FLACC1: variants seen among roughly 807,000 people sequenced by gnomAD.
FLACC1 encodes flagellum associated containing coiled-coil domains 1.
Under a neutral mutation model 62.8 loss-of-function variants are expected in FLACC1, and 66 were observed. The observed-to-expected ratio is 1.05, with a 90% CI of 0.86 to 1.29. The LOEUF (loss-of-function observed/expected upper bound fraction) is 1.29. Ranked by LOEUF, FLACC1 falls within the 50% of genes most tolerant of loss-of-function variation. The pLI is 0.00. For missense variants in FLACC1, 452 were observed against 489.1 expected, an observed-to-expected ratio of 0.92 and a Z score of 0.71; for synonymous variants, 156 against 161.0, an observed-to-expected ratio of 0.97 and a Z score of 0.24.
chr2:201,295,694 C>G (rs532976890), intron 12 of FLACC1, among the ~76,000 whole-genome samples: 29 of 151,990 alleles, frequency 1.9e-4, no homozygotes, highest in Non-Finnish European at 3.7e-4. Flanking sequence ...TTTTGCACAG[C>G]AAAAGAAACT....
At chr2:201,344,486 G>GTAAGC (rs1950875472) in intron 5 of FLACC1, among the ~76,000 whole-genome samples, 1 of 152,168 alleles carries the variant, frequency 6.6e-6, no homozygotes, top group African/African-American at 2.4e-5. Context: ...GCTCTTGTGG[G>GTAAGC]TAAGCTCACT....
intron 9 of FLACC1, among the ~76,000 whole-genome samples, chr2:201,309,905 CAAAAAA>C (rs1161849891): frequency 4.5e-5 from 2 of 44,670 alleles, no homozygotes; most frequent in African/African-American, 6.1e-5. Context: ...GACTCTGTCT[CAAAAAA>C]AAAAAAAAAA....
intron 14 of FLACC1, among the ~76,000 whole-genome samples, chr2:201,289,133 C>T (rs1482059973): frequency 4.8e-5 from 7 of 145,668 alleles, no homozygotes; most frequent in African/African-American, 1.7e-4. Context: ...GACCATCAGA[C>T]TCCCAGGGGA....
intron 9 of FLACC1, among the ~76,000 whole-genome samples, chr2:201,310,083 G>C (rs35988680): frequency 6.6e-6 from 1 of 151,976 alleles, no homozygotes; most frequent in Non-Finnish European, 1.5e-5. Flanking sequence ...GCTTGGCTCA[G>C]ATTTCATGAA....
chr2:201,346,403 G>T lies in FLACC1; in HGVS notation c.368+139C>A. ...CATCATCAGGAAGCAGGGGCGAGGA[G>T]GGAGGTGCCCTTGCGGCCCCTCCAG... On this transcript the variant is annotated intron_variant, in intron 5 of 14. Coordinates refer to ENST00000392257, the MANE Select transcript of FLACC1 (RefSeq NM_001127391.3). This position sits in a 1 kb window ranked among gnomAD's most constrained non-coding sequence, Gnocchi z 4.0. 1 of 1,192,246 alleles carries T rather than the reference G, an allele frequency of 8.4e-7. No individual in the cohort carries two copies. The allele number at this position is 1,192,246 out of a possible 1,614,324, so 73.9% of individuals were successfully genotyped here. A position where few individuals can be genotyped will look rare whatever the true frequency, so the allele number is the denominator to read the frequency against.
chr2:201,305,898 C>T (rs1576425598), intron 11 of FLACC1, among the ~76,000 whole-genome samples: 1 of 147,318 alleles, frequency 6.8e-6, no homozygotes, highest in Non-Finnish European at 1.5e-5. Flanking sequence ...AACACTTGGA[C>T]ACAGGTTGGG....
intron 11 of FLACC1, among the ~76,000 whole-genome samples, chr2:201,299,547 G>A (rs1949934339): frequency 6.6e-6 from 1 of 152,152 alleles, no homozygotes; most frequent in Non-Finnish European, 1.5e-5. Flanking sequence ...CTTTTCTTAA[G>A]TCAGTGGATA....
At chr2:201,334,925 G>GT (rs940549875) in intron 7 of FLACC1, among the ~76,000 whole-genome samples, 4 of 151,864 alleles carry the variant, frequency 2.6e-5, no homozygotes, top group African/African-American at 4.8e-5. Context: ...CCAGGTCTGG[G>GT]TTTTTTTTGG....
At position 201,330,407 on chromosome 2, in the gene FLACC1, C is replaced by A. The variant is rs1021844914; in HGVS notation, c.675+63G>T. 33 of 1,472,584 alleles carry A rather than the reference C, an allele frequency of 2.2e-5. 1 individual carries two copies. The Admixed American group carries it at 5.3e-4, about 24-fold the overall frequency. The allele number at this position is 1,472,584 out of a possible 1,614,324, so 91.2% of individuals were successfully genotyped here. A position where few individuals can be genotyped will look rare whatever the true frequency, so the allele number is the denominator to read the frequency against. On this transcript the variant is annotated intron_variant, in intron 9 of 14. Coordinates refer to ENST00000392257, the MANE Select transcript of FLACC1 (RefSeq NM_001127391.3). Reference sequence around the variant, plus strand: ...TCTGGACAAAAGCTCTAGATTTATCCCAATGTTAGCCAGGAATGAGCCTTC... The same window carrying A: ...TCTGGACAAAAGCTCTAGATTTATCACAATGTTAGCCAGGAATGAGCCTTC...
chr2:201,330,560 T>A, intron 8 of FLACC1, 38 bp from the exon 9 acceptor site: 1 of 1,600,686 alleles, frequency 6.2e-7, no homozygotes, highest in South Asian at 1.1e-5. Context: ...TCATTAGTCT[T>A]CTGATATGCA....
intron 12 of FLACC1, among the ~76,000 whole-genome samples, chr2:201,295,605 G>A (rs906061925): frequency 2.8e-4 from 43 of 152,242 alleles, no homozygotes; most frequent in African/African-American, 9.6e-4. Context: ...GCATGGGCAA[G>A]GACTTCATGT....
chr2:201,306,436 T>C (rs930771664), intron 11 of FLACC1, among the ~76,000 whole-genome samples: 7 of 152,046 alleles, frequency 4.6e-5, no homozygotes, highest in African/African-American at 1.7e-4. Flanking sequence ...GGCAACTCAA[T>C]GGGGAAAGGA....
chr2:201,323,690 G>A (rs1576446839), intron 9 of FLACC1, among the ~76,000 whole-genome samples: 1 of 148,572 alleles, frequency 6.7e-6, no homozygotes, highest in South Asian at 2.2e-4. Context: ...GGGAGGCTGA[G>A]GCATGAGAAT....
intron 3 of FLACC1, among the ~76,000 whole-genome samples, chr2:201,348,732 C>G (rs149795889): frequency 1.1e-4 from 16 of 151,656 alleles, no homozygotes; most frequent in African/African-American, 3.4e-4. Context: ...AACAAATGTT[C>G]CAGAAAATGA....
At chr2:201,349,030 CTGA>C (rs1233321887) in intron 3 of FLACC1, among the ~76,000 whole-genome samples, 3 of 152,210 alleles carry the variant, frequency 2.0e-5, no homozygotes, top group Admixed American at 6.5e-5. Flanking sequence ...TGAAGGTCAG[CTGA>C]TTAGCAACCT....
At chr2:201,293,100 T>A (rs1483595296) in intron 12 of FLACC1, among the ~76,000 whole-genome samples, 2 of 152,098 alleles carry the variant, frequency 1.3e-5, no homozygotes, top group Non-Finnish European at 2.9e-5. Flanking sequence ...ACTGTCAACA[T>A]TAGACAGCTC....
At chr2:201,344,575 C>G (rs970459125) in intron 5 of FLACC1, among the ~76,000 whole-genome samples, 6 of 152,140 alleles carry the variant, frequency 3.9e-5, no homozygotes, top group African/African-American at 1.4e-4. Flanking sequence ...AGAGTTTGAC[C>G]TTGATTTGGT....
At chr2:201,343,972 A>T (rs1322693482) in intron 6 of FLACC1, among the ~76,000 whole-genome samples, 198 bp downstream of exon 6, 2 of 152,234 alleles carry the variant, frequency 1.3e-5, no homozygotes, top group Non-Finnish European at 2.9e-5. Flanking sequence ...TTGTGGAAGA[A>T]CTTGAGTTCT....
intron 12 of FLACC1, among the ~76,000 whole-genome samples, chr2:201,290,909 G>A (rs548387616): frequency 2.0e-5 from 3 of 152,250 alleles, no homozygotes; most frequent in East Asian, 1.9e-4. Flanking sequence ...AAGGTCCTAC[G>A]CCCACGGAGC....
Sources: gnomAD v4.1 joint callset for allele counts (sites outside exome capture counted in the v4.1 genomes callset) on GRCh38, gnomAD v4.1.1 for gene constraint, Gnocchi (gnomAD v3.1) non-coding constraint, MANE v1.5 for transcripts, NCBI Gene and HGNC (gene_info 2026-07-23, HGNC 2026-07-21) for gene names.